Variants in DNAAF1 observed in about 807,000 individuals in gnomAD.
The protein encoded by DNAAF1 is dynein assembly factor 1, axonemal.
A neutral mutation model predicts 71.1 loss-of-function variants in DNAAF1; 65 were observed. That is an observed-to-expected ratio of 0.91 (90% CI 0.75 to 1.12). The LOEUF (loss-of-function observed/expected upper bound fraction) is 1.12. Among genes scored for constraint, DNAAF1 ranks in the 50% most tolerant of loss-of-function variants. The probability of loss-of-function intolerance (pLI) is 0.00; values close to 1 mark genes in which losing one functional copy is unlikely to be tolerated. For synonymous variants in DNAAF1, 414 were observed against 354.6 expected (o/e 1.17, Z -1.88); for missense variants, 1,178 against 899.8 (o/e 1.31, Z -3.96).
intron 6 of DNAAF1, among the ~76,000 whole-genome samples, chr16:84,160,272 AT>A (rs1304874377): frequency 2.0e-5 from 3 of 152,156 alleles, no homozygotes; most frequent in Admixed American, 2.0e-4. Flanking sequence ...CATTTTCTTC[AT>A]TGTTATTGGA....
intron 6 of DNAAF1, among the ~76,000 whole-genome samples, chr16:84,163,387 T>C (rs202227396): frequency 3.8e-5 from 5 of 131,936 alleles, no homozygotes; most frequent in African/African-American, 8.3e-5. Flanking sequence ...CTTTTTCTTT[T>C]TTTTTTTTTT....
At chr16:84,167,022 G>A (rs944188965) in intron 7 of DNAAF1, among the ~76,000 whole-genome samples, 3 of 152,018 alleles carry the variant, frequency 2.0e-5, no homozygotes, top group South Asian at 4.1e-4. Context: ...CAATGGTCTC[G>A]CAAGATGACT....
At position 84,155,751 on chromosome 16, in the gene DNAAF1, T is replaced by TA. The variant is rs779796954; in HGVS notation, c.741+8dup. On this transcript the variant is annotated splice_region_variant and intron_variant, in intron 5 of 11. Transcript: ENST00000378553. Reference sequence around the variant, plus strand: ...ATTCTGGAAAGCATGCCCGATTTGGTAAAAAACAAAAACAAAAACAACGAA... The same window carrying TA: ...ATTCTGGAAAGCATGCCCGATTTGGTAAAAAAACAAAAACAAAAACAACGAA... The TA allele has an allele frequency of 6.2e-7, 1 of 1,614,024 alleles. No individual in the cohort carries two copies. The highest frequency in any genetic ancestry group is 8.5e-7 in the Non-Finnish European group (1 of 1,180,006).
At chr16:84,175,574 G>GAT in intron 10 of DNAAF1, 1 of 307,542 alleles carries the variant, frequency 3.3e-6, no homozygotes, top group Non-Finnish European at 6.2e-6. Flanking sequence ...AGTTACTGTG[G>GAT]GGGGCCTGCT....
rs200992452 is a variant in DNAAF1, at chr16:84,145,553, G to C, written c.113G>C (p.Gly38Ala). Residue 38 changes from glycine to alanine, a missense_variant, in exon 1 of 12, where the codon GGC becomes GCC. Transcript: ENST00000378553. ...GACCACGGGAGCGCAGGCCGAGGGG[G>C]CTGCAAGGAAGGTGCCGACTGCCCC... is the stretch of plus-strand genomic sequence containing the variant. ...AGDHGSAGRG[G>A]CKEEINDPKE... 2.1e-4 allele frequency: 318 copies of C among 1,548,642 alleles called. 1 individual carries two copies. The African/African-American group carries it at 4.0e-3, about 19-fold the overall frequency.
chr16:84,155,429 G>C (rs769578655), intron 4 of DNAAF1, among the ~76,000 whole-genome samples, 154 bp from the exon 5 acceptor site: 10 of 152,000 alleles, frequency 6.6e-5, no homozygotes, highest in Non-Finnish European at 1.3e-4. Flanking sequence ...GGGTCTCACT[G>C]TGTTGCCCAG....
intron 8 of DNAAF1, among the ~76,000 whole-genome samples, chr16:84,171,204 G>C (rs2088321594): frequency 6.6e-6 from 1 of 152,158 alleles, no homozygotes; most frequent in African/African-American, 2.4e-5. Context: ...GGGAGGCCGA[G>C]GCAGGCAGAT....
intron 6 of DNAAF1, among the ~76,000 whole-genome samples, chr16:84,161,036 G>T (rs562994245): frequency 6.6e-6 from 1 of 152,114 alleles, no homozygotes; most frequent in Non-Finnish European, 1.5e-5. Context: ...TGGTAAGGAC[G>T]GGGAGAGCAG....
chr16:84,167,971 C>G (rs900802416), intron 7 of DNAAF1, among the ~76,000 whole-genome samples: 2 of 151,664 alleles, frequency 1.3e-5, no homozygotes, highest in African/African-American at 2.4e-5. Context: ...GAGCCGAGAT[C>G]GCACCATCGC....
At chr16:84,159,073 G>A (rs1019442336) in intron 5 of DNAAF1, 1 of 990,934 alleles carries the variant, frequency 1.0e-6, no homozygotes, top group African/African-American at 1.7e-5. Flanking sequence ...AGGCAGTAGA[G>A]GAAGAGACAG....
rs137862641 is a variant in DNAAF1 at position 84,175,952 on chromosome 16, T to C, written c.1718T>C (p.Ile573Thr). ...LEDQNMCFPK[I>T]EVISSLSDDS... The stretch of plus-strand genomic sequence containing the variant: ...AAATAGAATATGTGCTTTCCGAAGA[T>C]TGAGGTCATCTCGAGCTTGAGTGAT... Residue 573 changes from isoleucine (I) to threonine (T), a missense_variant, in exon 11 of 12, where the codon ATT becomes ACT. By Grantham distance (89) the Ile-to-Thr change is moderately conservative (BLOSUM62 -1). Coordinates refer to ENST00000378553, the MANE Select transcript of DNAAF1 (RefSeq NM_178452.6). The C allele has an allele frequency of 4.4e-4, 708 of 1,614,190 alleles. 2 individuals are homozygous for C. The African/African-American group carries it at 8.1e-3, about 19-fold the overall frequency.
intron 6 of DNAAF1, among the ~76,000 whole-genome samples, chr16:84,161,954 TC>T (rs1428542320): frequency 9.2e-5 from 14 of 152,072 alleles, no homozygotes; most frequent in Non-Finnish European, 1.3e-4. Flanking sequence ...CACTGCTGGG[TC>T]CCCAGCCTCT....
intron 6 of DNAAF1, among the ~76,000 whole-genome samples, chr16:84,164,397 C>T (rs1323149452): frequency 6.6e-6 from 1 of 152,206 alleles, no homozygotes; most frequent in East Asian, 1.9e-4. Context: ...CCCTAAAACC[C>T]TCTGTGCTCT....
chr16:84,162,286 T>C (rs1314903449), intron 6 of DNAAF1: 1 of 152,146 alleles, frequency 6.6e-6, no homozygotes, highest in African/African-American at 2.4e-5. Flanking sequence ...ATAATTCACA[T>C]ACCATACAGT....
intron 1 of DNAAF1, among the ~76,000 whole-genome samples, chr16:84,146,650 G>A (rs145476656): frequency 1.8e-4 from 27 of 152,156 alleles, no homozygotes; most frequent in Admixed American, 3.9e-4. Flanking sequence ...CCCGGAGGCA[G>A]AGGTTGCAGT....
chr16:84,150,279 T>G lies in DNAAF1; in HGVS notation c.289T>G (p.Cys97Gly). Residue 97 changes from cysteine to glycine, a missense_variant, in exon 3 of 12, where the codon TGC (cysteine) becomes GGC (glycine). Physicochemically the swap from Cys to Gly is radical, Grantham distance 159. Coordinates refer to ENST00000378553, the MANE Select transcript of DNAAF1 (RefSeq NM_178452.6). ...GACTAAAAGTTCCCTGCAAAAACTC[T>G]GCAAGCAGCACAAGCTTTATATTAC... ...RMTKSSLQKL[C>G]KQHKLYITPA... 1 of 1,614,008 alleles carries G rather than the reference T, an allele frequency of 6.2e-7. No individual in the cohort carries two copies. Among genetic ancestry groups the G allele is most frequent in the Non-Finnish European group, 8.5e-7 (1 of 1,179,866 alleles).
chr16:84,177,157 T>A lies in DNAAF1; in HGVS notation c.2066-572T>A. On this transcript the variant is annotated intron_variant, in intron 11 of 11. Transcript: ENST00000378553. ...GAAGCAGGGAGTGGCCTGAGTGCAT[T>A]TCCCGGGAACACTGAGTGGCCTTCT... The A allele has an allele frequency of 3.3e-5, 6 of 181,316 alleles. No individual in the cohort carries two copies. In the South Asian group the frequency reaches 3.5e-4, roughly 11 times the overall value. The allele number at this position is 181,316 out of a possible 1,614,324, so 11.2% of individuals were successfully genotyped here.
At chr16:84,168,648 ATAAC>A (rs1567558456) in intron 7 of DNAAF1, among the ~76,000 whole-genome samples, 1 of 152,174 alleles carries the variant, frequency 6.6e-6, no homozygotes, top group East Asian at 1.9e-4. Flanking sequence ...TTAGCATACT[ATAAC>A]TATTTTCCAT....
intron 1 of DNAAF1, 117 bp downstream of exon 1, chr16:84,145,681 A>T: frequency 3.1e-6 from 4 of 1,294,798 alleles, no homozygotes; most frequent in Non-Finnish European, 4.2e-6. Flanking sequence ...AATAATAATA[A>T]TGGTAGCAAG....
Sources: gnomAD v4.1 joint callset for allele counts (sites outside exome capture counted in the v4.1 genomes callset) on GRCh38, gnomAD v4.1.1 for gene constraint, MANE v1.5 for transcripts, NCBI Gene and HGNC (gene_info 2026-07-23, HGNC 2026-07-21) for gene names.